ENTREP2: variants seen among roughly 807,000 people sequenced by gnomAD.
The protein encoded by ENTREP2 is endosomal transmembrane epsin interactor 2.
At chr15:29,122,743 T>C in the ENTREP2 span, 1 of 152,298 alleles carries the variant, frequency 6.6e-6, no homozygotes, top group Admixed American at 6.5e-5. Context: ...CACTGCACAT[T>C]TGTTTGCACA....
At chr15:29,369,646 T>TA in the ENTREP2 span, among the ~76,000 whole-genome samples, 2 of 151,768 alleles carry the variant, frequency 1.3e-5, no homozygotes, top group Non-Finnish European at 2.9e-5. Flanking sequence ...CAAAACTAGA[T>TA]AGACAGTAAA....
chr15:29,645,602 G>A, the ENTREP2 span, among the ~76,000 whole-genome samples: 1 of 151,304 alleles, frequency 6.6e-6, no homozygotes. Context: ...CTGTCACCCA[G>A]GCTGCAGTGC....
the ENTREP2 span, among the ~76,000 whole-genome samples, chr15:29,593,198 ATATAAC>A: frequency 2.5e-4 from 38 of 152,296 alleles, no homozygotes; most frequent in South Asian, 6.2e-4. Flanking sequence ...CAACTATGTC[ATATAAC>A]TATATGTATA....
At chr15:29,499,777 A>G in the ENTREP2 span, among the ~76,000 whole-genome samples, 1 of 152,192 alleles carries the variant, frequency 6.6e-6, no homozygotes, top group Non-Finnish European at 1.5e-5. Context: ...GTGTAAATGA[A>G]CTAAACTCTC....
chr15:29,177,899 C>A, the ENTREP2 span, among the ~76,000 whole-genome samples: 1 of 133,320 alleles, frequency 7.5e-6, no homozygotes, highest in Admixed American at 8.0e-5. Context: ...CGAGGGGAGG[C>A]AGGGCGGGAG....
At chr15:29,337,093 A>C in the ENTREP2 span, among the ~76,000 whole-genome samples, 1 of 152,148 alleles carries the variant, frequency 6.6e-6, no homozygotes, top group Non-Finnish European at 1.5e-5. Flanking sequence ...ACAGTGTTTA[A>C]ATTATGTGTG....
chr15:29,204,011 G>A, the ENTREP2 span, among the ~76,000 whole-genome samples: 1 of 152,200 alleles, frequency 6.6e-6, no homozygotes, highest in African/African-American at 2.4e-5. Context: ...CCAGGGAATA[G>A]ACATCCAAAT....
At chr15:29,667,202 T>TG in the ENTREP2 span, among the ~76,000 whole-genome samples, 78 of 152,012 alleles carry the variant, frequency 5.1e-4, no homozygotes, top group Middle Eastern at 0.014. Flanking sequence ...CTTTTTTTTT[T>TG]TTTGAGGCAG....
the ENTREP2 span, among the ~76,000 whole-genome samples, chr15:29,130,614 G>A: frequency 9.2e-5 from 14 of 152,288 alleles, no homozygotes; most frequent in East Asian, 2.3e-3. Context: ...GAGGAAACTG[G>A]ATTCACTTCA....
the ENTREP2 span, among the ~76,000 whole-genome samples, chr15:29,319,623 C>T: frequency 6.6e-6 from 1 of 152,216 alleles, no homozygotes; most frequent in Non-Finnish European, 1.5e-5. Context: ...TTGTCACTCC[C>T]ATCCTTATGA....
the ENTREP2 span, chr15:29,269,738 G>C: frequency 1.4e-6 from 2 of 1,455,400 alleles, no homozygotes; most frequent in Non-Finnish European, 1.8e-6. Flanking sequence ...GCACACTCCG[G>C]TAGGCAAGCA....
the ENTREP2 span, among the ~76,000 whole-genome samples, chr15:29,307,686 G>A: frequency 6.6e-6 from 1 of 152,114 alleles, no homozygotes; most frequent in Non-Finnish European, 1.5e-5. Context: ...TGACCCACAA[G>A]GATTGGTGGC....
the ENTREP2 span, among the ~76,000 whole-genome samples, chr15:29,618,035 T>C: frequency 1.3e-5 from 2 of 152,172 alleles, no homozygotes; most frequent in Admixed American, 6.5e-5. Flanking sequence ...TGTTTCCTAA[T>C]TTTCGTGGGC....
the ENTREP2 span, among the ~76,000 whole-genome samples, chr15:29,448,580 T>C: frequency 6.6e-6 from 1 of 152,222 alleles, no homozygotes; most frequent in South Asian, 2.1e-4. Flanking sequence ...GTGTCATACT[T>C]ACTGTGAGGC....
the ENTREP2 span, among the ~76,000 whole-genome samples, chr15:29,383,337 G>GGGA: frequency 6.6e-6 from 1 of 152,166 alleles, no homozygotes; most frequent in Non-Finnish European, 1.5e-5. Context: ...CTCTCCACAA[G>GGGA]AGTACCTCTT....
chr15:29,250,209 C>T, the ENTREP2 span, among the ~76,000 whole-genome samples: 4 of 152,238 alleles, frequency 2.6e-5, no homozygotes, highest in South Asian at 6.2e-4. Flanking sequence ...TGGCTTTGAT[C>T]CTGGATTGCT....
chr15:29,664,798 G>A, the ENTREP2 span, among the ~76,000 whole-genome samples: 3 of 152,136 alleles, frequency 2.0e-5, no homozygotes, highest in African/African-American at 7.2e-5. Flanking sequence ...TGGCCTGAAT[G>A]GACCAAACTT....
At chr15:29,246,451 C>T in the ENTREP2 span, among the ~76,000 whole-genome samples, 1 of 147,286 alleles carries the variant, frequency 6.8e-6, no homozygotes, top group Non-Finnish European at 1.5e-5. Context: ...TACCAGCACT[C>T]TGGGAGGCTG....
the ENTREP2 span, among the ~76,000 whole-genome samples, chr15:29,631,888 G>GC: frequency 6.6e-6 from 1 of 152,196 alleles, no homozygotes; most frequent in Non-Finnish European, 1.5e-5. Flanking sequence ...TCTGCTGATG[G>GC]CACCAGCCCA....
Sources: gnomAD v4.1 joint callset for allele counts (sites outside exome capture counted in the v4.1 genomes callset) on GRCh38, gnomAD v4.1.1 for gene constraint, MANE v1.5 for transcripts, NCBI Gene and HGNC (gene_info 2026-07-23, HGNC 2026-07-21) for gene names.